NYAP2: variants seen among roughly 807,000 people sequenced by gnomAD.
NYAP2 encodes neuronal tyrosine-phosphorylated phosphoinositide-3-kinase adaptor 2.
In NYAP2, 23 loss-of-function variants were observed where a neutral mutation model predicts 50.4. The observed-to-expected ratio is 0.46, with a 90% CI of 0.33 to 0.65. The LOEUF (loss-of-function observed/expected upper bound fraction) is 0.65, where lower values mean the gene tolerates loss of function less well. Among genes scored for constraint, NYAP2 ranks in the 30% least tolerant of loss-of-function variants. The pLI is 0.02. For missense variants in NYAP2, 885 were observed against 861.0 expected, an observed-to-expected ratio of 1.03 and a Z score of -0.35; for synonymous variants, 394 against 365.2, an observed-to-expected ratio of 1.08 and a Z score of -0.90.
intron 3 of NYAP2, among the ~76,000 whole-genome samples, chr2:225,486,401 G>T (rs545003104): frequency 6.6e-6 from 1 of 152,280 alleles, no homozygotes; most frequent in African/African-American, 2.4e-5. Context: ...GATTCTGTAG[G>T]AGGTAAATGT....
intron 3 of NYAP2, among the ~76,000 whole-genome samples, chr2:225,476,636 A>C (rs1353028592): frequency 6.6e-6 from 1 of 152,196 alleles, no homozygotes; most frequent in African/African-American, 2.4e-5. Context: ...TCAAAACAAT[A>C]TATCAAACCC....
intron 4 of NYAP2, among the ~76,000 whole-genome samples, chr2:225,574,530 G>A (rs150072670): frequency 6.6e-6 from 1 of 152,166 alleles, no homozygotes; most frequent in African/African-American, 2.4e-5. Context: ...CTGTAAGTGA[G>A]TAGTTTTCCT....
chr2:225,688,954 G>C, the NYAP2 span, among the ~76,000 whole-genome samples: 1 of 152,150 alleles, frequency 6.6e-6, no homozygotes, highest in South Asian at 2.1e-4. Flanking sequence ...AGTTGGCCAG[G>C]CTGGTCTGGA....
intron 3 of NYAP2, among the ~76,000 whole-genome samples, chr2:225,426,034 A>G (rs751389128): frequency 2.2e-4 from 33 of 152,240 alleles, no homozygotes; most frequent in East Asian, 1.9e-3. Context: ...TGAAAAAAAT[A>G]AAGACGTAGT....
At chr2:225,680,508 ATAAT>A in the NYAP2 span, among the ~76,000 whole-genome samples, 1 of 152,176 alleles carries the variant, frequency 6.6e-6, no homozygotes, top group Admixed American at 6.5e-5. Context: ...CTTTTTTAAA[ATAAT>A]TAAGGAATGT....
chr2:225,569,678 A>G (rs1559217187), intron 4 of NYAP2, among the ~76,000 whole-genome samples: 1 of 152,140 alleles, frequency 6.6e-6, no homozygotes, highest in Non-Finnish European at 1.5e-5. Flanking sequence ...TTTGATTTTC[A>G]TAATCAGTCC....
At chr2:225,449,912 C>T (rs116489371) in intron 3 of NYAP2, among the ~76,000 whole-genome samples, 3,687 of 152,120 alleles carry the variant, frequency 0.024, 61 homozygotes, top group Non-Finnish European at 0.04. Flanking sequence ...CCACCACACC[C>T]GGCCGATAAG....
At chr2:225,696,658 C>T in the NYAP2 span, among the ~76,000 whole-genome samples, 646 of 152,044 alleles carry the variant, frequency 4.2e-3, 8 homozygotes, top group African/African-American at 0.014. Flanking sequence ...ATAACTTCCT[C>T]ATCTATGCAT....
chr2:225,562,139 T>A (rs1691887252), intron 4 of NYAP2, among the ~76,000 whole-genome samples: 1 of 152,156 alleles, frequency 6.6e-6, no homozygotes, highest in Admixed American at 6.6e-5. Context: ...CACTTGCTGG[T>A]AAATAGTTAG....
intron 4 of NYAP2, among the ~76,000 whole-genome samples, chr2:225,549,631 A>G (rs545616722): frequency 6.6e-6 from 1 of 152,206 alleles, no homozygotes; most frequent in East Asian, 1.9e-4. Flanking sequence ...TAAAGATGAC[A>G]TTTAGCTATC....
chr2:225,431,766 C>A (rs1489129042), intron 3 of NYAP2, among the ~76,000 whole-genome samples: 1 of 152,104 alleles, frequency 6.6e-6, no homozygotes, highest in African/African-American at 2.4e-5. Context: ...TTAAGAAGTC[C>A]ACTTATAAGG....
chr2:225,658,444 A>AAT (rs1418770458), downstream of NYAP2, among the ~76,000 whole-genome samples: 16 of 152,222 alleles, frequency 1.1e-4, no homozygotes, highest in Admixed American at 5.9e-4. Context: ...GCTACAAAGA[A>AAT]ATTATGCTTA....
At chr2:225,468,885 A>G (rs1689967283) in intron 3 of NYAP2, among the ~76,000 whole-genome samples, 1 of 152,206 alleles carries the variant, frequency 6.6e-6, no homozygotes, top group Admixed American at 6.5e-5. Context: ...TGAATTACTA[A>G]ATTCTAGCCT....
At chr2:225,524,809 C>G (rs575131506) in intron 4 of NYAP2, among the ~76,000 whole-genome samples, 2 of 152,058 alleles carry the variant, frequency 1.3e-5, no homozygotes, top group South Asian at 2.1e-4. Context: ...AACAGAGAAA[C>G]TGTAGAAAAA....
chr2:225,439,466 G>C (rs1689435883), intron 3 of NYAP2, among the ~76,000 whole-genome samples: 1 of 152,200 alleles, frequency 6.6e-6, no homozygotes, highest in Non-Finnish European at 1.5e-5. Context: ...CAGTGGTGGA[G>C]AGTTGTGGGT....
chr2:225,596,881 C>G (rs1489832129), intron 5 of NYAP2, among the ~76,000 whole-genome samples: 1 of 152,096 alleles, frequency 6.6e-6, no homozygotes, highest in East Asian at 1.9e-4. Flanking sequence ...AAATTATTAG[C>G]TAGATTGCAT....
intron 3 of NYAP2, among the ~76,000 whole-genome samples, chr2:225,487,118 T>C (rs1386445478): frequency 6.6e-6 from 1 of 152,216 alleles, no homozygotes; most frequent in Non-Finnish European, 1.5e-5. Context: ...TGGCTGCACT[T>C]CCCTCTCATT....
At chr2:225,693,487 C>T in the NYAP2 span, among the ~76,000 whole-genome samples, 1 of 151,922 alleles carries the variant, frequency 6.6e-6, no homozygotes, top group African/African-American at 2.4e-5. Flanking sequence ...GTTTCTTGTC[C>T]GTTTGGGGTG....
chr2:225,614,603 T>C (rs1425254605), intron 5 of NYAP2, among the ~76,000 whole-genome samples: 1 of 152,240 alleles, frequency 6.6e-6, no homozygotes, highest in Admixed American at 6.5e-5. Context: ...TTTTGAACTG[T>C]ATTTGTCAAC....
Sources: allele counts gnomAD v4.1 joint callset (sites outside exome capture counted in the v4.1 genomes callset), GRCh38; gene constraint gnomAD v4.1.1; transcripts MANE v1.5; gene names NCBI Gene and HGNC (gene_info 2026-07-23, HGNC 2026-07-21).